The following ARHGAP27 variants were observed in gnomAD, a reference collection of about 807,000 sequenced individuals.
ARHGAP27 encodes rho GTPase-activating protein 27.
ARHGAP27 carries 53 observed loss-of-function variants against 102.0 expected under a neutral mutation model. The ratio of observed to expected loss-of-function variants is 0.52; its 90% CI spans 0.42 to 0.65. The LOEUF is 0.65. Among genes scored for constraint, ARHGAP27 ranks in the 30% least tolerant of loss-of-function variants. The probability of loss-of-function intolerance (pLI) is 0.00; values close to 1 mark genes in which losing one functional copy is unlikely to be tolerated. For synonymous variants in ARHGAP27, 525 were observed against 542.8 expected (o/e 0.97, Z 0.46); for missense variants, 1,117 against 1,256.2 (o/e 0.89, Z 1.68).
At chr17:45,429,575 G>A in intron 4 of ARHGAP27, 48 bp downstream of exon 4, 1 of 1,576,680 alleles carries the variant, frequency 6.3e-7, no homozygotes. Context: ...TGCGGGCGCG[G>A]TCCCTAGCGC....
intron 4 of ARHGAP27, among the ~76,000 whole-genome samples, chr17:45,424,595 C>G (rs2049364523): frequency 6.7e-6 from 1 of 149,604 alleles, no homozygotes; most frequent in African/African-American, 2.5e-5. Context: ...GAAAACAGGT[C>G]TATGGGAGCT....
At position 45,431,643 on chromosome 17, in the gene ARHGAP27, A is replaced by T. The variant is rs887922092; in HGVS notation, c.-41T>A. 1.1e-4 allele frequency: 20 copies of T among 175,366 alleles called. No homozygotes were observed. Among genetic ancestry groups the T allele is most frequent in the African/African-American group, 3.6e-4 (15 of 41,652 alleles). 10.9% of individuals were successfully genotyped at this position (175,366 alleles called of 1,614,324 possible). A position where few individuals can be genotyped will look rare whatever the true frequency, so the allele number is the denominator to read the frequency against. Reference sequence around the variant, plus strand: ...CACGTCGGCTGGGCGGGCCTCAGGGAGCCCATGGGCTGGGTGGGCGGAGCC... The same window carrying T: ...CACGTCGGCTGGGCGGGCCTCAGGGTGCCCATGGGCTGGGTGGGCGGAGCC... On this transcript the variant is annotated 5_prime_UTR_variant, in exon 3 of 20. Transcript: ENST00000685559.
At chr17:45,416,813 C>T (rs2048506642) in intron 4 of ARHGAP27, among the ~76,000 whole-genome samples, 1 of 150,090 alleles carries the variant, frequency 6.7e-6, no homozygotes, top group Admixed American at 6.6e-5. Context: ...TCTCAAAGTC[C>T]TGGGATTACA....
chr17:45,417,584 T>C (rs1053693827), intron 4 of ARHGAP27, among the ~76,000 whole-genome samples: 1 of 150,770 alleles, frequency 6.6e-6, no homozygotes, highest in Non-Finnish European at 1.5e-5. Flanking sequence ...CTGGCCAACA[T>C]GGTGAAACTC....
chr17:45,396,478 C>A lies in ARHGAP27; in HGVS notation c.2173+9G>T. The A allele has an allele frequency of 6.5e-7, 1 of 1,527,224 alleles. No individual in the cohort carries two copies. The highest frequency in any genetic ancestry group is 2.0e-5 in the Admixed American group (1 of 50,124). 94.6% of individuals were successfully genotyped at this position (1,527,224 alleles called of 1,614,324 possible). A position where few individuals can be genotyped will look rare whatever the true frequency, so the allele number is the denominator to read the frequency against. On this transcript the variant is annotated intron_variant, in intron 16 of 19. Transcript: ENST00000685559. ...ATGCCTGCCGCCCTCACCCCCGCAG[C>A]GCACGTACCGCGGGCCTCGACGGCG...
chr17:45,429,285 G>T, intron 4 of ARHGAP27: 1 of 756,916 alleles, frequency 1.3e-6, no homozygotes, highest in Non-Finnish European at 1.9e-6. Context: ...GAGCTCATTT[G>T]CATTTCTGCA....
chr17:45,428,670 G>A (rs1385308550), intron 4 of ARHGAP27, among the ~76,000 whole-genome samples: 1 of 152,128 alleles, frequency 6.6e-6, no homozygotes, highest in Non-Finnish European at 1.5e-5. Context: ...GAAATCAGAG[G>A]CTCCCGAGGA....
chr17:45,397,048 G>A (rs1388057509), intron 13 of ARHGAP27, 24 bp from the exon 14 acceptor site: 1 of 1,599,814 alleles, frequency 6.3e-7, no homozygotes, highest in Non-Finnish European at 8.5e-7. Flanking sequence ...GCCTCAGAGA[G>A]GCGGGGCCTT....
At position 45,429,794 on chromosome 17, in the gene ARHGAP27, G is replaced by A. The variant is rs1238884432; in HGVS notation, c.486C>T (p.Cys162=). 7.9e-6 allele frequency: 12 copies of A among 1,517,634 alleles called. No homozygotes were observed. The highest frequency in any genetic ancestry group is 1.4e-5 in the African/African-American group (1 of 70,556). The allele number at this position is 1,517,634 out of a possible 1,614,324, so 94.0% of individuals were successfully genotyped here. A position where few individuals can be genotyped will look rare whatever the true frequency, so the allele number is the denominator to read the frequency against. The part of the protein sequence containing the change: ...RPAQSLNDLA[C]AAVSPPAGLL... Reference sequence around the variant, plus strand: ...GGCCGGCGGGAGGCGAGACGGCGGCGCAGGCCAGGTCGTTCAGGGACTGCG... The same window carrying A: ...GGCCGGCGGGAGGCGAGACGGCGGCACAGGCCAGGTCGTTCAGGGACTGCG... The change falls in exon 4 of 20, where the codon TGC becomes TGT. Residue 162 remains cysteine (C), a synonymous_variant. Transcript: ENST00000685559.
rs188462252 is a variant in ARHGAP27 at position 45,404,031 on chromosome 17, G to T, written c.1545C>A (p.Leu515=). Residue 515 remains leucine (L), a splice_region_variant and synonymous_variant, in exon 10 of 20, where the codon CTC becomes CTA. Coordinates refer to ENST00000685559, the MANE Select transcript of ARHGAP27 (RefSeq NM_001282290.2). ...CCTGAGTGTAGATGGGCTCTCACCG[G>T]AGCCGCTTTCCCTTGTCTGCCGTCT... ...RTKTADKGKR[L]RKKHWSASWT... 8 of 1,613,596 alleles carry T rather than the reference G, an allele frequency of 5.0e-6. No individual in the cohort carries two copies. The Admixed American group carries it at 1.3e-4, about 27-fold the overall frequency.
intron 4 of ARHGAP27, among the ~76,000 whole-genome samples, chr17:45,418,332 C>G (rs1208177351): frequency 2.0e-5 from 3 of 151,168 alleles, no homozygotes; most frequent in Admixed American, 1.3e-4. Flanking sequence ...CTCACTGTCA[C>G]TACCATATAA....
chr17:45,405,153 G>A (rs763421543), intron 5 of ARHGAP27, 47 bp from the exon 6 acceptor site: 3 of 1,481,788 alleles, frequency 2.0e-6, no homozygotes, highest in Non-Finnish European at 2.7e-6. Flanking sequence ...TGCCAGTACT[G>A]CCTGCTGGCC....
intron 4 of ARHGAP27, among the ~76,000 whole-genome samples, chr17:45,406,779 G>A (rs1326676970): frequency 6.6e-6 from 1 of 152,116 alleles, no homozygotes; most frequent in Non-Finnish European, 1.5e-5. Flanking sequence ...GCTCCACTGA[G>A]AGCTCCCACC....
chr17:45,405,838 A>G lies in ARHGAP27; in HGVS notation c.903T>C (p.Leu301=). The change falls in exon 5 of 20, where the codon CTT becomes CTC. Residue 301 remains leucine, a synonymous_variant. Coordinates refer to ENST00000685559, the MANE Select transcript of ARHGAP27 (RefSeq NM_001282290.2). ...CCCAGTACTGGCCCCACTCGGTCTC[A>G]AGGCTCACGTGGCTGTCCACCGAGG... The part of the protein sequence containing the change: ...SPASVDSHVS[L]ETEWGQYWDE... The G allele has an allele frequency of 6.5e-7, 1 of 1,536,660 alleles. No individual in the cohort carries two copies. Among genetic ancestry groups the G allele is most frequent in the Non-Finnish European group, 8.7e-7 (1 of 1,147,042 alleles).
chr17:45,419,304 G>T (rs544807612), intron 4 of ARHGAP27, among the ~76,000 whole-genome samples: 6 of 152,018 alleles, frequency 3.9e-5, no homozygotes, highest in Non-Finnish European at 8.8e-5. Context: ...AAGGATTAAA[G>T]ATTTAAGTTT....
rs750147606 is a variant in ARHGAP27, at chr17:45,427,066, G to C, written c.657+2557C>G. ...AAGCAGCACCACTGTCTGCCCACGAGTGCCAGCTGGGAATCTAGAACTCAA... is the reference window on the plus strand; with the variant it reads ...AAGCAGCACCACTGTCTGCCCACGACTGCCAGCTGGGAATCTAGAACTCAA... On this transcript the variant is annotated intron_variant, in intron 4 of 19. Coordinates refer to ENST00000685559, the MANE Select transcript of ARHGAP27 (RefSeq NM_001282290.2). The surrounding 1 kb of genome is among the most constrained non-coding windows in gnomAD (Gnocchi z 4.5). Among the ~76,000 whole-genome samples the C allele has an allele frequency of 2.6e-5, 4 of 151,964 alleles. No individual in the cohort carries two copies. The highest frequency in any genetic ancestry group is 9.7e-5 in the African/African-American group (4 of 41,326).
At position 45,395,480 on chromosome 17, in the gene ARHGAP27, G is replaced by C; in HGVS notation, c.2646C>G (p.Cys882Trp). Residue 882 changes from cysteine (C) to tryptophan (W), a missense_variant, in exon 20 of 20, where the codon TGC (cysteine) becomes TGG (tryptophan). Physicochemically the swap from Cys to Trp is radical, Grantham distance 215. Around this residue, in one of 3 missense-constraint regions of ARHGAP27, gnomAD observed 493 missense variants for 505.5 expected, o/e 0.98. Coordinates refer to ENST00000685559, the MANE Select transcript of ARHGAP27 (RefSeq NM_001282290.2). ...GTCAGTGCGGCGGGAAGATGTCCGC[G>C]CACTGCTGCAGGATGAGCTCCACCA... ...NQVVELILQQ[C>W]ADIFPPH 3 of 1,572,968 alleles carry C rather than the reference G, an allele frequency of 1.9e-6. No homozygotes were observed. Among genetic ancestry groups the C allele is most frequent in the Non-Finnish European group, 2.6e-6 (3 of 1,158,290 alleles).
In ARHGAP27 at chr17:45,430,067, G is replaced by A; in HGVS notation, c.213C>T (p.Gly71=). 3 of 1,335,936 alleles carry A rather than the reference G, an allele frequency of 2.2e-6. No individual in the cohort carries two copies. Among genetic ancestry groups the A allele is most frequent in the South Asian group, 3.6e-5 (2 of 55,542 alleles). 82.8% of individuals were successfully genotyped at this position (1,335,936 alleles called of 1,614,324 possible). Residue 71 remains glycine, a synonymous_variant, in exon 4 of 20, where the codon GGC becomes GGT. Transcript: ENST00000685559. The surrounding 1 kb of genome is among the most constrained non-coding windows in gnomAD (Gnocchi z 4.4). ...CTGGCGGCGCGGCGGCGGCAGGGTT[G>A]CCCAGCGCGGGCAGCTCGCGCACGT... ...AQYVRELPAL[G]NPAAAAPPGP...
intron 17 of ARHGAP27, 30 bp downstream of exon 17, chr17:45,396,177 C>G (rs1320863832): frequency 6.9e-6 from 11 of 1,595,218 alleles, no homozygotes; most frequent in Non-Finnish European, 9.4e-6. Context: ...GCCTTCAGGC[C>G]CTGGGGCAGG....
Sources: gnomAD v4.1 joint callset for allele counts (sites outside exome capture counted in the v4.1 genomes callset) on GRCh38, gnomAD v4.1.1 for gene constraint, gnomAD v4.1.1 regional missense constraint, Gnocchi (gnomAD v3.1) non-coding constraint, MANE v1.5 for transcripts, NCBI Gene and HGNC (gene_info 2026-07-23, HGNC 2026-07-21) for gene names.